GLI3: variants seen among roughly 807,000 people sequenced by gnomAD.
GLI3 encodes GLI family zinc finger 3.
Under a neutral mutation model 100.8 loss-of-function variants are expected in GLI3, and 20 were observed. That is an observed-to-expected ratio of 0.20 (90% CI 0.14 to 0.29). GLI3 has a LOEUF of 0.29. Among genes scored for constraint, GLI3 ranks in the 10% least tolerant of loss-of-function variants. The pLI is 1.00. For missense variants in GLI3, 2,040 were observed against 2,128.5 expected, an observed-to-expected ratio of 0.96 and a Z score of 0.82; for synonymous variants, 938 against 860.5, an observed-to-expected ratio of 1.09 and a Z score of -1.58.
At chr7:42,261,160 G>A (rs377049326) in intron 1 of GLI3, among the ~76,000 whole-genome samples, 2 of 151,394 alleles carry the variant, frequency 1.3e-5, no homozygotes, top group African/African-American at 2.4e-5. Flanking sequence ...GGTGGAGCAG[G>A]CATGTCACAT....
At chr7:42,028,238 G>C (rs1365677483) in intron 7 of GLI3, among the ~76,000 whole-genome samples, 3 of 152,120 alleles carry the variant, frequency 2.0e-5, no homozygotes. Flanking sequence ...CACCGACTTT[G>C]CATGTATCTC....
chr7:42,135,630 T>C (rs1313495476), intron 3 of GLI3, among the ~76,000 whole-genome samples: 1 of 152,238 alleles, frequency 6.6e-6, no homozygotes, highest in Admixed American at 6.5e-5. Context: ...TTCCTTAGCA[T>C]ATATTTCTTT....
chr7:42,104,531 T>A (rs1257614685), intron 3 of GLI3, among the ~76,000 whole-genome samples: 1 of 152,230 alleles, frequency 6.6e-6, no homozygotes, highest in Non-Finnish European at 1.5e-5. Context: ...CTGAGATTAC[T>A]ATGTGTAATG....
At chr7:42,042,753 C>T (rs1184833601) in intron 6 of GLI3, among the ~76,000 whole-genome samples, 2 of 152,184 alleles carry the variant, frequency 1.3e-5, no homozygotes, top group East Asian at 1.9e-4. Flanking sequence ...TTGGCTTGCT[C>T]ATAGCCTGGC....
At chr7:41,979,725 T>A (rs1787606212) in intron 10 of GLI3, among the ~76,000 whole-genome samples, 1 of 152,204 alleles carries the variant, frequency 6.6e-6, no homozygotes, top group African/African-American at 2.4e-5. Flanking sequence ...TTCTGGTGAT[T>A]CTACATTTTA....
intron 12 of GLI3, among the ~76,000 whole-genome samples, chr7:41,975,514 T>A (rs1267607507): frequency 6.6e-6 from 1 of 152,250 alleles, no homozygotes; most frequent in Non-Finnish European, 1.5e-5. Context: ...GTGGGTAGAA[T>A]TTTAATTATG....
At chr7:42,079,020 C>T (rs574960303) in intron 3 of GLI3, among the ~76,000 whole-genome samples, 13 of 152,226 alleles carry the variant, frequency 8.5e-5, no homozygotes, top group East Asian at 1.9e-4. Flanking sequence ...TCAGCCACCG[C>T]GCCCGGCCTC....
chr7:41,967,027 G>C (rs1787205030), intron 14 of GLI3, among the ~76,000 whole-genome samples: 1 of 152,224 alleles, frequency 6.6e-6, no homozygotes, highest in Non-Finnish European at 1.5e-5. Flanking sequence ...TTGAGTTCCA[G>C]GCAAGTCCCC....
chr7:42,209,584 T>C lies in GLI3; in HGVS notation c.124+13546A>G, dbSNP rs145146765. On this transcript the variant is annotated intron_variant, in intron 2 of 14. Coordinates refer to ENST00000395925, the MANE Select transcript of GLI3 (RefSeq NM_000168.6). ...CATTCTGCAAAATTCCTGTGGAAAT[T>C]GGAGCCCCTGTCATGGAGACTTGAA... Among the ~76,000 whole-genome samples the C allele has an allele frequency of 3.3e-3, 504 of 152,302 alleles. 3 individuals are homozygous for C. The highest frequency in any genetic ancestry group is 0.011 in the African/African-American group (476 of 41,570).
chr7:42,087,620 T>A (rs1264061822), intron 3 of GLI3, among the ~76,000 whole-genome samples: 1 of 152,014 alleles, frequency 6.6e-6, no homozygotes, highest in South Asian at 2.1e-4. Flanking sequence ...AACACCCATA[T>A]GGAAAAAGCT....
intron 2 of GLI3, among the ~76,000 whole-genome samples, chr7:42,162,938 T>C (rs1447359401): frequency 3.4e-5 from 5 of 148,042 alleles, no homozygotes; most frequent in Middle Eastern, 3.6e-3. Flanking sequence ...TGGGGAGGAG[T>C]GGTCCAGGGG....
At chr7:42,246,383 A>G (rs1476886244) in intron 1 of GLI3, among the ~76,000 whole-genome samples, 1 of 152,066 alleles carries the variant, frequency 6.6e-6, no homozygotes, top group African/African-American at 2.4e-5. Context: ...CAATCTTCCC[A>G]GTTTTAACTC....
At chr7:42,144,454 A>T (rs1346361375) in intron 3 of GLI3, among the ~76,000 whole-genome samples, 2 of 152,236 alleles carry the variant, frequency 1.3e-5, no homozygotes, top group East Asian at 3.9e-4. Flanking sequence ...TTCATGAGAG[A>T]ATACCCCCGT....
At chr7:42,010,382 T>TA (rs1343880569) in intron 10 of GLI3, among the ~76,000 whole-genome samples, 1 of 152,242 alleles carries the variant, frequency 6.6e-6, no homozygotes, top group Non-Finnish European at 1.5e-5. Flanking sequence ...ATGCTTCTTC[T>TA]AAGTGTTGCT....
In GLI3 at chr7:41,967,611, G is replaced by A. The variant is rs919463456; in HGVS notation, c.2416C>T (p.Pro806Ser). 2 of 1,612,670 alleles carry A rather than the reference G, an allele frequency of 1.2e-6. No individual in the cohort carries two copies. Among genetic ancestry groups the A allele is most frequent in the African/African-American group, 1.3e-5 (1 of 74,876 alleles). The change falls in exon 14 of 15, where the codon CCT (proline) becomes TCT (serine). Residue 806 changes from proline to serine, a missense_variant. Physicochemically the swap from Pro to Ser is moderately conservative, Grantham distance 74 (BLOSUM62 -1). Transcript: ENST00000395925. ...TAGAACTCACCATTTCCTATGAGAGGAGAGACCGCAGGGGCTTTAGGGGGT... is the reference window on the plus strand; with the variant it reads ...TAGAACTCACCATTTCCTATGAGAGAAGAGACCGCAGGGGCTTTAGGGGGT... The part of the protein sequence containing the change: ...ILPPKAPAVS[P>S]LIGNGTQSNN...
At position 41,963,404 on chromosome 7, in the gene GLI3, TC is replaced by T. The variant is rs1458508104; in HGVS notation, c.*925del. On this transcript the variant is annotated 3_prime_UTR_variant, in exon 15 of 15. Transcript: ENST00000395925. ...AACAAACACAGCAACTCATAAATAT[TC>T]CCCCAACTAATTCTACCCAATTGCT... The T allele has an allele frequency of 6.6e-6, 1 of 152,214 alleles. No homozygotes were observed. The highest frequency in any genetic ancestry group is 1.9e-4 in the East Asian group (1 of 5,174). The allele number at this position is 152,214 out of a possible 1,614,324, so 9.4% of individuals were successfully genotyped here.
chr7:42,043,797 C>T (rs73688628), intron 6 of GLI3, among the ~76,000 whole-genome samples: 298 of 152,294 alleles, frequency 2.0e-3, no homozygotes, highest in African/African-American at 6.8e-3. Context: ...GAAAGTAATG[C>T]GGGCTGACCT....
chr7:42,114,805 G>A (rs1410121773), intron 3 of GLI3, among the ~76,000 whole-genome samples: 3 of 151,946 alleles, frequency 2.0e-5, no homozygotes, highest in Non-Finnish European at 2.9e-5. Context: ...AGGTTCAAGC[G>A]ATTCTCCTGC....
chr7:42,116,269 A>G (rs570246884), intron 3 of GLI3, among the ~76,000 whole-genome samples: 1 of 152,160 alleles, frequency 6.6e-6, no homozygotes, highest in Non-Finnish European at 1.5e-5. Context: ...CGTTTTGAAC[A>G]GCAGCACACG....
Sources: gnomAD v4.1 joint callset for allele counts (sites outside exome capture counted in the v4.1 genomes callset) on GRCh38, gnomAD v4.1.1 for gene constraint, MANE v1.5 for transcripts, NCBI Gene and HGNC (gene_info 2026-07-23, HGNC 2026-07-21) for gene names.